Variants in SNX9 observed in about 807,000 individuals in gnomAD.
SNX9 encodes the protein sorting nexin-9.
A neutral mutation model predicts 89.4 loss-of-function variants in SNX9; 44 were observed. The observed-to-expected ratio is 0.49, with a 90% CI of 0.39 to 0.63. The LOEUF (loss-of-function observed/expected upper bound fraction) is 0.63. SNX9 is among the 30% of genes least tolerant of loss of function. SNX9 has a pLI of 0.00. For missense variants in SNX9, 578 were observed against 736.1 expected (o/e 0.79, Z 2.49); for synonymous variants, 236 against 247.8 (o/e 0.95, Z 0.45).
intron 13 of SNX9, among the ~76,000 whole-genome samples, chr6:157,933,265 A>ATATGG (rs924806520): frequency 2.0e-5 from 3 of 152,094 alleles, no homozygotes; most frequent in Admixed American, 6.6e-5. Context: ...CTGCACTCCA[A>ATATGG]TATGGGCAAC....
intron 4 of SNX9, among the ~76,000 whole-genome samples, chr6:157,882,396 GCTAATACAGCA>G (rs1782645311): frequency 6.6e-6 from 1 of 152,210 alleles, no homozygotes; most frequent in Non-Finnish European, 1.5e-5. Context: ...TTTCATGCCT[GCTAATACAGCA>G]CTTATTCTAC....
At chr6:157,895,161 A>AT (rs1400095484) in intron 4 of SNX9, among the ~76,000 whole-genome samples, 2 of 152,222 alleles carry the variant, frequency 1.3e-5, no homozygotes, top group African/African-American at 2.4e-5. Context: ...ATGAGGTGGA[A>AT]TTGGGCTCTT....
intron 14 of SNX9, among the ~76,000 whole-genome samples, chr6:157,937,185 G>A (rs184461971): frequency 4.8e-4 from 73 of 152,272 alleles, no homozygotes; most frequent in Non-Finnish European, 8.4e-4. Flanking sequence ...TTTGGGCCAC[G>A]TCAAAATAAC....
At chr6:157,936,670 G>A (rs1021001312) in intron 14 of SNX9, among the ~76,000 whole-genome samples, 1 of 152,142 alleles carries the variant, frequency 6.6e-6, no homozygotes, top group Non-Finnish European at 1.5e-5. Flanking sequence ...CTGTTAATCT[G>A]CAGTGGTAGT....
Position 157,932,206 on chromosome 6 carries a change from G to A in SNX9, c.1300G>A (p.Glu434Lys). ...WKRCTGPLPK[E>K]YQKIGKALQS... is the part of the protein sequence containing the mutation. ...TTTTTGTCTTTCAGCATTACCCAAG[G>A]AATATCAGAAGATAGGAAAGGCCTT... Residue 434 changes from glutamate to lysine, a missense_variant, in exon 13 of 18, where the codon GAA becomes AAA. By Grantham distance (56) the Glu-to-Lys change is moderately conservative. This residue lies in a region of SNX9 where 348 missense variants were observed against 491.4 expected (regional missense o/e 0.71). Transcript: ENST00000392185. The A allele has an allele frequency of 3.1e-6, 5 of 1,614,114 alleles. No homozygotes were observed. Among genetic ancestry groups the A allele is most frequent in the Non-Finnish European group, 4.2e-6 (5 of 1,179,994 alleles).
chr6:157,914,421 T>A (rs1244403070), intron 9 of SNX9, among the ~76,000 whole-genome samples: 1 of 151,860 alleles, frequency 6.6e-6, no homozygotes, highest in Non-Finnish European at 1.5e-5. Context: ...GATAAGTGAT[T>A]TGCAAATAAC....
chr6:157,910,979 G>A (rs1783329678), intron 9 of SNX9, among the ~76,000 whole-genome samples: 1 of 152,104 alleles, frequency 6.6e-6, no homozygotes, highest in Non-Finnish European at 1.5e-5. Context: ...CCGGTGTGGT[G>A]GTGTGCACCT....
chr6:157,843,127 G>A (rs904448263), intron 1 of SNX9, among the ~76,000 whole-genome samples: 13 of 152,170 alleles, frequency 8.5e-5, no homozygotes, highest in African/African-American at 3.1e-4. Context: ...GTTTCAAGGA[G>A]ATGAAGCCTT....
chr6:157,880,408 C>A (rs1018628293), intron 4 of SNX9, among the ~76,000 whole-genome samples: 1 of 151,636 alleles, frequency 6.6e-6, no homozygotes, highest in Non-Finnish European at 1.5e-5. Flanking sequence ...TGTAGATTCC[C>A]TTATAAAGTG....
At chr6:157,854,519 G>A (rs1276328318) in intron 1 of SNX9, among the ~76,000 whole-genome samples, 1 of 152,240 alleles carries the variant, frequency 6.6e-6, no homozygotes, top group Admixed American at 6.5e-5. Flanking sequence ...GTGCATGTGT[G>A]TGCTTTGACT....
chr6:157,910,084 C>A, intron 9 of SNX9, 59 bp downstream of exon 9: 1 of 1,352,928 alleles, frequency 7.4e-7, no homozygotes, highest in South Asian at 1.2e-5. Flanking sequence ...GTCAGATTAT[C>A]TTCCTGTAAG....
Position 157,867,637 on chromosome 6 carries a change from A to G in SNX9, c.99+4A>G. 6.2e-7 allele frequency: 1 copy of G among 1,608,006 alleles called. No homozygotes were observed. Among genetic ancestry groups the G allele is most frequent in the Non-Finnish European group, 8.5e-7 (1 of 1,175,818 alleles). On this transcript the variant is annotated splice_donor_region_variant and intron_variant, in intron 2 of 17. Coordinates refer to ENST00000392185, the MANE Select transcript of SNX9 (RefSeq NM_016224.5). Reference sequence around the variant, plus strand: ...AATCATCACAATCACAAATCCGGTAAGAGAACTGTACATTCGAGTCTGATT... The same window carrying G: ...AATCATCACAATCACAAATCCGGTAGGAGAACTGTACATTCGAGTCTGATT...
chr6:157,876,005 A>T (rs907129718), intron 4 of SNX9, among the ~76,000 whole-genome samples: 1 of 151,988 alleles, frequency 6.6e-6, no homozygotes, highest in Non-Finnish European at 1.5e-5. Context: ...AAAAAAAAAG[A>T]ATTAAAATAT....
intron 1 of SNX9, among the ~76,000 whole-genome samples, chr6:157,832,800 T>C (rs1781501816): frequency 6.6e-6 from 1 of 152,046 alleles, no homozygotes; most frequent in South Asian, 2.1e-4. Context: ...CCACAACATG[T>C]GGGGATTATG....
chr6:157,823,332 C>A lies in SNX9; in HGVS notation c.-103C>A. 1 of 1,070,154 alleles carries A rather than the reference C, an allele frequency of 9.3e-7. No individual in the cohort carries two copies. The highest frequency in any genetic ancestry group is 1.2e-6 in the Non-Finnish European group (1 of 857,334). The allele number at this position is 1,070,154 out of a possible 1,614,324, so 66.3% of individuals were successfully genotyped here. A position where few individuals can be genotyped will look rare whatever the true frequency, so the allele number is the denominator to read the frequency against. Reference sequence around the variant, plus strand: ...AGCGGCCGCCGCGCCGGGGCCCAGCCGGAGCCGCCGCCCTCGCCCTTGCCT... The same window carrying A: ...AGCGGCCGCCGCGCCGGGGCCCAGCAGGAGCCGCCGCCCTCGCCCTTGCCT... On this transcript the variant is annotated 5_prime_UTR_variant, in exon 1 of 18. Transcript: ENST00000392185. This position sits in a 1 kb window ranked among gnomAD's most constrained non-coding sequence, Gnocchi z 4.6.
intron 4 of SNX9, among the ~76,000 whole-genome samples, chr6:157,895,433 C>T (rs1009682615): frequency 2.0e-5 from 3 of 152,148 alleles, no homozygotes; most frequent in African/African-American, 7.2e-5. Flanking sequence ...GTTGATAAAG[C>T]AGTGTCTGTT....
chr6:157,933,460 A>G (rs981749814), intron 13 of SNX9, among the ~76,000 whole-genome samples: 1 of 152,188 alleles, frequency 6.6e-6, no homozygotes, highest in African/African-American at 2.4e-5. Context: ...TAAACTAATA[A>G]GAAGTTTCTC....
At position 157,873,238 on chromosome 6, in the gene SNX9, T is replaced by A. The variant is rs570094847; in HGVS notation, c.174+62T>A. The stretch of plus-strand genomic sequence containing the variant: ...CTTTGCCAGGCATCTTTTTATGAAT[T>A]ATCAACTTACAAGAAGTCAGCAACT... On this transcript the variant is annotated intron_variant, in intron 3 of 17. Transcript: ENST00000392185. 1.8e-5 allele frequency: 25 copies of A among 1,383,542 alleles called. No homozygotes were observed. The East Asian group carries it at 5.5e-4, about 30-fold the overall frequency. 85.7% of individuals were successfully genotyped at this position (1,383,542 alleles called of 1,614,324 possible). A position where few individuals can be genotyped will look rare whatever the true frequency, so the allele number is the denominator to read the frequency against.
intron 1 of SNX9, among the ~76,000 whole-genome samples, chr6:157,844,589 T>G (rs919560301): frequency 5.6e-5 from 8 of 142,096 alleles, no homozygotes; most frequent in Non-Finnish European, 1.1e-4. Flanking sequence ...TAATCCTTGT[T>G]TTTTTTTTTT....
Sources: gnomAD v4.1 joint callset for allele counts (sites outside exome capture counted in the v4.1 genomes callset) on GRCh38, gnomAD v4.1.1 for gene constraint, gnomAD v4.1.1 regional missense constraint, Gnocchi (gnomAD v3.1) non-coding constraint, MANE v1.5 for transcripts, NCBI Gene and HGNC (gene_info 2026-07-23, HGNC 2026-07-21) for gene names.